The following CSMD1 variants were observed in gnomAD, a reference collection of about 807,000 sequenced individuals.
CSMD1 encodes CUB and sushi domain-containing protein 1.
Under a neutral mutation model 417.5 loss-of-function variants are expected in CSMD1, and 213 were observed. That is an observed-to-expected ratio of 0.51 (90% CI 0.46 to 0.57). The LOEUF is 0.57. Ranked by LOEUF, CSMD1 falls within the 20% of genes least tolerant of loss-of-function variation. CSMD1 has a pLI of 0.00. For missense variants in CSMD1, 6,923 were observed against 4,529.7 expected, an observed-to-expected ratio of 1.53 and a Z score of -15.17; for synonymous variants, 2,862 against 1,736.8, an observed-to-expected ratio of 1.65 and a Z score of -16.11.
intron 5 of CSMD1, among the ~76,000 whole-genome samples, chr8:3,941,714 ATTTATTT>A (rs1360144528): frequency 6.6e-6 from 1 of 152,134 alleles, no homozygotes; most frequent in Non-Finnish European, 1.5e-5. Context: ...GATGTTATTT[ATTTATTT>A]TTTAACTACA....
intron 6 of CSMD1, among the ~76,000 whole-genome samples, chr8:3,723,456 G>A (rs777795405): frequency 6.6e-6 from 1 of 152,072 alleles, no homozygotes; most frequent in Non-Finnish European, 1.5e-5. Context: ...ATAGATCATG[G>A]GAAACTACCT....
chr8:3,702,768 G>C (rs1476123711), intron 7 of CSMD1, among the ~76,000 whole-genome samples: 1 of 152,184 alleles, frequency 6.6e-6, no homozygotes, highest in Non-Finnish European at 1.5e-5. Context: ...GGAGGTGCAG[G>C]TTGCAGTTAG....
intron 49 of CSMD1, among the ~76,000 whole-genome samples, chr8:3,075,006 C>G (rs977795175): frequency 7.2e-5 from 11 of 152,032 alleles, no homozygotes; most frequent in African/African-American, 2.7e-4. Flanking sequence ...CCTTTTGGTG[C>G]TGTCCTCATG....
At chr8:3,051,867 C>T (rs1390091092) in intron 50 of CSMD1, among the ~76,000 whole-genome samples, 1 of 152,078 alleles carries the variant, frequency 6.6e-6, no homozygotes, top group Non-Finnish European at 1.5e-5. Context: ...GACTATTATT[C>T]CATAAGACTA....
At chr8:3,534,975 T>C (rs1457487528) in intron 10 of CSMD1, among the ~76,000 whole-genome samples, 2 of 152,182 alleles carry the variant, frequency 1.3e-5, no homozygotes, top group Non-Finnish European at 2.9e-5. Flanking sequence ...ATTGACAGCA[T>C]CTGGCTTTGT....
Position 4,008,892 on chromosome 8 carries a change from G to C in CSMD1, c.611-10782C>G, listed in dbSNP as rs182059634. Reference sequence around the variant, plus strand: ...CCCAAAGTGCTGGGATTACAGGCGTGAGCCACCGCGCCCAGTCTGATTCAG... The same window carrying C: ...CCCAAAGTGCTGGGATTACAGGCGTCAGCCACCGCGCCCAGTCTGATTCAG... On this transcript the variant is annotated intron_variant, in intron 4 of 69. Transcript: ENST00000635120. 5.5e-4 allele frequency among the ~76,000 whole-genome samples: 83 copies of C among 152,122 alleles called. 1 individual carries two copies. Among genetic ancestry groups the C allele is most frequent in the African/African-American group, 1.9e-3 (77 of 41,464 alleles).
Position 3,163,752 on chromosome 8 carries a change from A to G in CSMD1, c.5726-1475T>C, listed in dbSNP as rs970571737. On this transcript the variant is annotated intron_variant, in intron 37 of 69. Transcript: ENST00000635120. ...AGCTGTGGGTCGAAGCTACAGAGTCAGCAGCAAGGTCAAGGGAAACCCTGG... is the reference window on the plus strand; with the variant it reads ...AGCTGTGGGTCGAAGCTACAGAGTCGGCAGCAAGGTCAAGGGAAACCCTGG... Among the ~76,000 whole-genome samples, 5 of 152,176 alleles carry G rather than the reference A, an allele frequency of 3.3e-5. 1 individual carries two copies. The highest frequency in any genetic ancestry group is 5.9e-5 in the Non-Finnish European group (4 of 68,028).
chr8:4,517,565 T>A (rs1585191887), intron 2 of CSMD1, among the ~76,000 whole-genome samples: 1 of 152,214 alleles, frequency 6.6e-6, no homozygotes, highest in Non-Finnish European at 1.5e-5. Flanking sequence ...CTACAGCAGT[T>A]TCATTTTACA....
chr8:4,513,910 A>C (rs1802963327), intron 2 of CSMD1, among the ~76,000 whole-genome samples: 2 of 152,084 alleles, frequency 1.3e-5, no homozygotes, highest in South Asian at 4.1e-4. Flanking sequence ...TGCTAATTTG[A>C]AGTGTGATGT....
chr8:4,089,774 T>C (rs546959609), intron 3 of CSMD1, among the ~76,000 whole-genome samples: 5 of 152,312 alleles, frequency 3.3e-5, no homozygotes, highest in Admixed American at 6.5e-5. Flanking sequence ...ATTTTTGTTA[T>C]GGGCAATAAT....
chr8:4,191,182 G>T (rs1170689725), intron 3 of CSMD1, among the ~76,000 whole-genome samples: 1 of 152,248 alleles, frequency 6.6e-6, no homozygotes, highest in East Asian at 1.9e-4. Context: ...GGATCACGAC[G>T]TCAGGAGATT....
intron 3 of CSMD1, among the ~76,000 whole-genome samples, chr8:4,382,792 C>T (rs1175781554): frequency 2.0e-5 from 3 of 152,142 alleles, no homozygotes; most frequent in African/African-American, 7.2e-5. Flanking sequence ...ATGATGGCCC[C>T]TCAGTGTCAG....
At chr8:4,565,783 TATATATATATATATGTATAC>T (rs1723141980) in intron 2 of CSMD1, among the ~76,000 whole-genome samples, 3 of 105,634 alleles carry the variant, frequency 2.8e-5, no homozygotes, top group Admixed American at 1.9e-4. Context: ...TATATATATA[TATATATATATATATGTATAC>T]ATATATATAT....
intron 5 of CSMD1, among the ~76,000 whole-genome samples, chr8:3,792,755 G>C (rs527266684): frequency 8.5e-5 from 13 of 152,276 alleles, no homozygotes; most frequent in African/African-American, 2.6e-4. Flanking sequence ...TTCTGATGTT[G>C]AGAACTGCCT....
At chr8:4,137,024 C>G (rs543924665) in intron 3 of CSMD1, among the ~76,000 whole-genome samples, 1 of 152,306 alleles carries the variant, frequency 6.6e-6, no homozygotes, top group South Asian at 2.1e-4. Context: ...TGTATTTTTA[C>G]AACATGATCA....
intron 5 of CSMD1, among the ~76,000 whole-genome samples, chr8:3,977,792 T>C (rs1376060529): frequency 6.6e-6 from 1 of 152,222 alleles, no homozygotes; most frequent in Non-Finnish European, 1.5e-5. Flanking sequence ...TCCTCCAGGC[T>C]TTCATTACCT....
intron 3 of CSMD1, among the ~76,000 whole-genome samples, chr8:4,214,202 G>C (rs1373683910): frequency 6.6e-6 from 1 of 152,110 alleles, no homozygotes; most frequent in Non-Finnish European, 1.5e-5. Flanking sequence ...CGGCTCAATA[G>C]ATGGAAATTA....
At chr8:3,504,119 G>C (rs1363400501) in intron 10 of CSMD1, among the ~76,000 whole-genome samples, 2 of 152,098 alleles carry the variant, frequency 1.3e-5, no homozygotes, top group Non-Finnish European at 2.9e-5. Flanking sequence ...ACAAAGAAAT[G>C]ATGAATGTTT....
chr8:3,448,785 G>A (rs10109781), intron 12 of CSMD1, among the ~76,000 whole-genome samples: 34 of 152,086 alleles, frequency 2.2e-4, no homozygotes, highest in Middle Eastern at 3.4e-3. Context: ...TCAGGCAATA[G>A]TGAGTGACTT....
Sources: allele counts gnomAD v4.1 joint callset (sites outside exome capture counted in the v4.1 genomes callset), GRCh38; gene constraint gnomAD v4.1.1; transcripts MANE v1.5; gene names NCBI Gene and HGNC (gene_info 2026-07-23, HGNC 2026-07-21).